MBD3: variants seen among roughly 807,000 people sequenced by gnomAD.
The protein encoded by MBD3 is methyl-CpG binding domain protein 3.
A neutral mutation model predicts 31.2 loss-of-function variants in MBD3; 13 were observed. The observed-to-expected ratio is 0.42, with a 90% CI of 0.27 to 0.66. MBD3 has a LOEUF of 0.66. Ranked by LOEUF, MBD3 falls within the 30% of genes least tolerant of loss-of-function variation. The pLI is 0.26. For synonymous variants in MBD3, 223 were observed against 187.4 expected, an observed-to-expected ratio of 1.19 and a Z score of -1.55; for missense variants, 440 against 426.5, an observed-to-expected ratio of 1.03 and a Z score of -0.28.
At chr19:1,581,584 A>C in intron 4 of MBD3, 3 of 436,998 alleles carry the variant, frequency 6.9e-6, no homozygotes, top group Non-Finnish European at 4.3e-6. Context: ...TCTCTACAAA[A>C]TAATTCAAAA....
At chr19:1,584,444 C>A in intron 3 of MBD3, 96 bp downstream of exon 3, 4 of 1,554,326 alleles carry the variant, frequency 2.6e-6, no homozygotes, top group South Asian at 1.1e-5. Flanking sequence ...CCTGCGCTCA[C>A]TACGTCCGCT....
At chr19:1,582,464 C>G (rs967859539) in intron 4 of MBD3, among the ~76,000 whole-genome samples, 158 bp downstream of exon 4, 1 of 152,034 alleles carries the variant, frequency 6.6e-6, no homozygotes, top group African/African-American at 2.4e-5. Context: ...ATCCCCAACC[C>G]CACTGGGTCC....
At chr19:1,588,334 G>T (rs1041176163) in intron 1 of MBD3, among the ~76,000 whole-genome samples, 1 of 152,142 alleles carries the variant, frequency 6.6e-6, no homozygotes, top group Non-Finnish European at 1.5e-5. Context: ...GTCGAAGCTG[G>T]TTTGCCCAGG....
Position 1,581,129 on chromosome 19 carries a change from G to A in MBD3, c.640C>T (p.Leu214=). The part of the protein sequence containing the change: ...PGVWLNTTQP[L]CKAFMVTDED... ...TCGGTCACCATGAAGGCTTTGCACAGGGGCTGCGTGGTGTTGAGCCATACG... is the reference window on the plus strand; with the variant it reads ...TCGGTCACCATGAAGGCTTTGCACAAGGGCTGCGTGGTGTTGAGCCATACG... The change falls in exon 5 of 7, where the codon CTG becomes TTG. Residue 214 remains leucine (L), a synonymous_variant. Coordinates refer to ENST00000434436, the MANE Select transcript of MBD3 (RefSeq NM_001281453.2). 1 of 1,614,198 alleles carries A rather than the reference G, an allele frequency of 6.2e-7. No homozygotes were observed. The highest frequency in any genetic ancestry group is 1.1e-5 in the South Asian group (1 of 91,088).
intron 1 of MBD3, among the ~76,000 whole-genome samples, chr19:1,590,271 C>G (rs2145610925): frequency 6.6e-6 from 1 of 152,052 alleles, no homozygotes; most frequent in African/African-American, 2.4e-5. Context: ...GCACTGTGGC[C>G]TGGGCCAAGA....
Position 1,578,364 on chromosome 19 carries a change from C to G in MBD3, c.852G>C (p.Pro284=), listed in dbSNP as rs557273284. 2.5e-6 allele frequency: 4 copies of G among 1,603,828 alleles called. No individual in the cohort carries two copies. The highest frequency in any genetic ancestry group is 3.4e-6 in the Non-Finnish European group (4 of 1,179,808). ...CCTAGACGTGCTCCATCTCCGGGTC[C>G]GGGTCGGGCTCCTCCTCCTCCTCCT... is the stretch of plus-strand genomic sequence containing the variant. The part of the protein sequence containing the change: ...DEEEEEEEPD[P]DPEMEHV Residue 284 remains proline (P), a synonymous_variant, in exon 6 of 7, where the codon CCG becomes CCC. Coordinates refer to ENST00000434436, the MANE Select transcript of MBD3 (RefSeq NM_001281453.2). This position sits in a 1 kb window ranked among gnomAD's most constrained non-coding sequence, Gnocchi z 6.1.
At chr19:1,582,009 C>T (rs1045964433) in intron 4 of MBD3, among the ~76,000 whole-genome samples, 14 of 152,136 alleles carry the variant, frequency 9.2e-5, no homozygotes, top group South Asian at 2.1e-4. Context: ...CCTCATGATC[C>T]GCCCGCCTTG....
chr19:1,589,366 AAAG>A (rs1263857026), intron 1 of MBD3, among the ~76,000 whole-genome samples: 3 of 150,690 alleles, frequency 2.0e-5, no homozygotes, highest in South Asian at 4.2e-4. Context: ...AAAAAAAAAA[AAAG>A]AAGGCAGGCG....
At chr19:1,579,181 CAAAAAAAAAA>C (rs57070800) in intron 5 of MBD3, among the ~76,000 whole-genome samples, 8 of 21,494 alleles carry the variant, frequency 3.7e-4, no homozygotes, top group African/African-American at 1.6e-3. Context: ...CAGATTCTGC[CAAAAAAAAAA>C]AAAAAAAAAA....
In MBD3 at chr19:1,587,967, C is replaced by T. The variant is rs115304475; in HGVS notation, c.111-2753G>A. Among the ~76,000 whole-genome samples the T allele has an allele frequency of 6.5e-3, 993 of 152,304 alleles. 9 individuals are homozygous for T. The highest frequency in any genetic ancestry group is 0.023 in the African/African-American group (938 of 41,550). On this transcript the variant is annotated intron_variant, in intron 1 of 6. Transcript: ENST00000434436. Reference sequence around the variant, plus strand: ...CCCATGGCAGATGCCAGATGTCAGACAACTGAGACAGCTCAGAAGAATCTC... The same window carrying T: ...CCCATGGCAGATGCCAGATGTCAGATAACTGAGACAGCTCAGAAGAATCTC...
At chr19:1,583,925 G>C (rs1185578690) in intron 3 of MBD3, among the ~76,000 whole-genome samples, 1 of 151,590 alleles carries the variant, frequency 6.6e-6, no homozygotes, top group Admixed American at 6.6e-5. Flanking sequence ...GGGTTCAAGT[G>C]ATTCTCCTGC....
chr19:1,592,686 C>CTT lies in MBD3; in HGVS notation c.-56_-55insAA. 1.5e-6 allele frequency: 1 copy of CTT among 666,480 alleles called. No individual in the cohort carries two copies. Among genetic ancestry groups the CTT allele is most frequent in the Non-Finnish European group, 1.9e-6 (1 of 521,692 alleles). 41.3% of individuals were successfully genotyped at this position (666,480 alleles called of 1,614,324 possible). A position where few individuals can be genotyped will look rare whatever the true frequency, so the allele number is the denominator to read the frequency against. ...CCCGCCGCCGCCGCCCGGACCCCCA[C>CTT]TCGCCGCCGCCGCCTCAGCTGCCTC... On this transcript the variant is annotated 5_prime_UTR_variant, in exon 1 of 7. Coordinates refer to ENST00000434436, the MANE Select transcript of MBD3 (RefSeq NM_001281453.2).
intron 1 of MBD3, chr19:1,592,184 C>T (rs1338926366): frequency 2.0e-5 from 3 of 152,576 alleles, no homozygotes; most frequent in Non-Finnish European, 4.4e-5. Context: ...CCCCCTGCGT[C>T]TCACGGGAAC....
chr19:1,584,583 T>C lies in MBD3; in HGVS notation c.365A>G (p.Lys122Arg), dbSNP rs758400542. 1.2e-6 allele frequency: 2 copies of C among 1,613,752 alleles called. No homozygotes were observed. The highest frequency in any genetic ancestry group is 1.7e-6 in the Non-Finnish European group (2 of 1,179,934). ...CGCCTTCTGCGGGTCGCTCTTGACCTTGTTGCTGGGGTGGTTGGTAATCTT... is the reference window on the plus strand; with the variant it reads ...CGCCTTCTGCGGGTCGCTCTTGACCCTGTTGCTGGGGTGGTTGGTAATCTT... ...VTKITNHPSN[K>R]VKSDPQKAVD... The change falls in exon 3 of 7, where the codon AAG becomes AGG. Residue 122 changes from lysine (K) to arginine (R), a missense_variant. Transcript: ENST00000434436.
At chr19:1,590,773 C>T (rs895612190) in intron 1 of MBD3, among the ~76,000 whole-genome samples, 1 of 152,144 alleles carries the variant, frequency 6.6e-6, no homozygotes, top group Non-Finnish European at 1.5e-5. Context: ...AAGTGGGCAA[C>T]ATGGCCTGAA....
In MBD3 at chr19:1,578,263, C is replaced by G; in HGVS notation, c.*5+72G>C. Reference sequence around the variant, plus strand: ...CTTGGGAGGCACCCGTCATCCCAAGCACATCTGTGTTCACCAGGCAGTCCC... The same window carrying G: ...CTTGGGAGGCACCCGTCATCCCAAGGACATCTGTGTTCACCAGGCAGTCCC... On this transcript the variant is annotated intron_variant, in intron 6 of 6. Transcript: ENST00000434436. This position sits in a 1 kb window ranked among gnomAD's most constrained non-coding sequence, Gnocchi z 6.1. 1 of 1,592,876 alleles carries G rather than the reference C, an allele frequency of 6.3e-7. No individual in the cohort carries two copies.
At position 1,592,766 on chromosome 19, in the gene MBD3, C is replaced by A. The variant is rs1599352308; in HGVS notation, c.-135G>T. On this transcript the variant is annotated 5_prime_UTR_variant, in exon 1 of 7. Coordinates refer to ENST00000434436, the MANE Select transcript of MBD3 (RefSeq NM_001281453.2). The stretch of plus-strand genomic sequence containing the variant: ...GCGGCTGTTCCGGCCCGCGGGCCCC[C>A]GCCCTCCGCCCCCAGCCGGGCGCGC... 6.1e-6 allele frequency: 1 copy of A among 165,006 alleles called. No individual in the cohort carries two copies. Among genetic ancestry groups the A allele is most frequent in the Non-Finnish European group, 1.2e-5 (1 of 82,248 alleles). The allele number at this position is 165,006 out of a possible 1,614,324, so 10.2% of individuals were successfully genotyped here. A position where few individuals can be genotyped will look rare whatever the true frequency, so the allele number is the denominator to read the frequency against.
chr19:1,588,647 G>A (rs2060689860), intron 1 of MBD3, among the ~76,000 whole-genome samples: 1 of 151,944 alleles, frequency 6.6e-6, no homozygotes. Context: ...CGGGCACAGT[G>A]GCACGTGCCT....
intron 5 of MBD3, among the ~76,000 whole-genome samples, chr19:1,579,676 C>T (rs1917304115): frequency 1.3e-5 from 2 of 152,208 alleles, no homozygotes; most frequent in Non-Finnish European, 2.9e-5. Flanking sequence ...CTCACCTACT[C>T]GACTGCAGCC....
Sources: allele counts gnomAD v4.1 joint callset (sites outside exome capture counted in the v4.1 genomes callset), GRCh38; gene constraint gnomAD v4.1.1; non-coding constraint Gnocchi (gnomAD v3.1); transcripts MANE v1.5; gene names NCBI Gene and HGNC (gene_info 2026-07-23, HGNC 2026-07-21).